Variants in ABCA13 observed in about 807,000 individuals in gnomAD.
The protein encoded by ABCA13 is ATP-binding cassette sub-family A member 13.
In ABCA13, 476 loss-of-function variants were observed where a neutral mutation model predicts 478.7. The ratio of observed to expected loss-of-function variants is 0.99; its 90% confidence interval spans 0.92 to 1.07. The LOEUF is 1.07. Ranked by LOEUF, ABCA13 falls within the 50% of genes least tolerant of loss-of-function variation. ABCA13 has a pLI of 0.00. For missense variants in ABCA13, 6,060 were observed against 5,910.6 expected, an observed-to-expected ratio of 1.03 and a Z score of -0.83; for synonymous variants, 2,252 against 2,158.9, an observed-to-expected ratio of 1.04 and a Z score of -1.20.
chr7:48,318,690 T>A (rs572893960), intron 27 of ABCA13, among the ~76,000 whole-genome samples: 7 of 152,086 alleles, frequency 4.6e-5, no homozygotes, highest in Admixed American at 3.9e-4. Context: ...ACAGCTGCCA[T>A]CCCAGGACTG....
At chr7:48,636,178 A>G (rs1266715431) in intron 59 of ABCA13, among the ~76,000 whole-genome samples, 1 of 152,168 alleles carries the variant, frequency 6.6e-6, no homozygotes. Context: ...TATTGTGTAC[A>G]GAGGCATATT....
chr7:48,644,652 A>G lies in ABCA13; in HGVS notation c.14979A>G (p.Pro4993=), dbSNP rs781615880. Residue 4993 remains proline (P), a synonymous_variant, in exon 61 of 62, where the codon CCA becomes CCG. Transcript: ENST00000435803. ...TGAATTTATTAGAATATCATGTGCC[A>G]AAAAGATGGGGATGCCTAGCTGACT... ...QHLNLLEYHV[P]KRWGCLADLF... 4.3e-6 allele frequency: 7 copies of G among 1,610,962 alleles called. No individual in the cohort carries two copies. Among genetic ancestry groups the G allele is most frequent in the Non-Finnish European group, 5.9e-6 (7 of 1,179,258 alleles).
At chr7:48,405,070 A>G (rs757498045) in intron 39 of ABCA13, among the ~76,000 whole-genome samples, 9 of 152,342 alleles carry the variant, frequency 5.9e-5, no homozygotes, top group Admixed American at 3.3e-4. Flanking sequence ...GGTCCCAGTG[A>G]GGCACTGAGG....
At position 48,394,790 on chromosome 7, in the gene ABCA13, G is replaced by A. The variant is rs139959199; in HGVS notation, c.11873+2651G>A. 4.6e-5 allele frequency among the ~76,000 whole-genome samples: 7 copies of A among 152,174 alleles called. No individual in the cohort carries two copies. In the East Asian group the frequency reaches 7.7e-4, roughly 17 times the overall value. On this transcript the variant is annotated intron_variant, in intron 38 of 61. Transcript: ENST00000435803. ...TTTGTGAGATTTTGGTGCACCCATCGCTTGAGCAGTATATACTGCACCATA... is the reference window on the plus strand; with the variant it reads ...TTTGTGAGATTTTGGTGCACCCATCACTTGAGCAGTATATACTGCACCATA...
rs530520499 is a variant in ABCA13, at chr7:48,578,725, A to G, written c.14355-1499A>G. ...ATTTTCAAGTTTATGTGGAAAGACA[A>G]AAGATCCATGATAGGCAACACAGTA... On this transcript the variant is annotated intron_variant, in intron 55 of 61. Transcript: ENST00000435803. Among the ~76,000 whole-genome samples the G allele has an allele frequency of 3.9e-4, 59 of 152,298 alleles. 1 individual carries two copies. Among genetic ancestry groups the G allele is most frequent in the Non-Finnish European group, 6.8e-4 (46 of 68,012 alleles).
intron 7 of ABCA13, among the ~76,000 whole-genome samples, chr7:48,233,633 A>G (rs1187444699): frequency 1.3e-5 from 2 of 152,226 alleles, no homozygotes; most frequent in Non-Finnish European, 2.9e-5. Flanking sequence ...CTGGTTTTCA[A>G]TATTTTATCA....
Position 48,279,084 on chromosome 7 carries a change from C to G in ABCA13, c.7890C>G (p.Asp2630Glu), listed in dbSNP as rs1484029708. The change falls in exon 18 of 62, where the codon GAC (aspartate) becomes GAG (glutamate). Residue 2630 changes from aspartate (D) to glutamate (E), a missense_variant. Transcript: ENST00000435803. ...SILSYMNQSK[D>E]FSDILEEIAE... is the part of the protein sequence containing the mutation. ...TCTCATATATGAACCAATCTAAGGA[C>G]TTTTCTGATATTTTGGAAGAAATTG... 6.2e-7 allele frequency: 1 copy of G among 1,612,474 alleles called. No homozygotes were observed. The highest frequency in any genetic ancestry group is 8.5e-7 in the Non-Finnish European group (1 of 1,179,684).
chr7:48,307,518 C>T (rs982710890), intron 23 of ABCA13, among the ~76,000 whole-genome samples: 1 of 152,124 alleles, frequency 6.6e-6, no homozygotes, highest in Non-Finnish European at 1.5e-5. Context: ...CTGGGTGAGT[C>T]AGTGAGTGAG....
intron 42 of ABCA13, among the ~76,000 whole-genome samples, chr7:48,454,151 T>C (rs1006035823): frequency 4.6e-5 from 7 of 152,218 alleles, no homozygotes; most frequent in Non-Finnish European, 7.3e-5. Context: ...TGGAGTACTT[T>C]AGAGTCAATC....
At chr7:48,209,357 T>TATCAG in intron 3 of ABCA13, among the ~76,000 whole-genome samples, 1 of 152,242 alleles carries the variant, frequency 6.6e-6, no homozygotes, top group East Asian at 1.9e-4. Flanking sequence ...CTGGTTTTGG[T>TATCAG]ATCAGGGTAA....
chr7:48,183,056 A>G (rs2128874385), intron 1 of ABCA13, among the ~76,000 whole-genome samples: 1 of 152,282 alleles, frequency 6.6e-6, no homozygotes, highest in South Asian at 2.1e-4. Flanking sequence ...TTTGTTTCCA[A>G]AGACAAGGGC....
At chr7:48,396,581 C>T (rs1481922012) in intron 38 of ABCA13, among the ~76,000 whole-genome samples, 4 of 152,174 alleles carry the variant, frequency 2.6e-5, no homozygotes, top group African/African-American at 9.7e-5. Flanking sequence ...TGGGCATGGT[C>T]TCTGCAAAGA....
intron 15 of ABCA13, among the ~76,000 whole-genome samples, chr7:48,255,180 GCTGTGC>G (rs2128707983): frequency 6.6e-6 from 1 of 152,220 alleles, no homozygotes; most frequent in South Asian, 2.1e-4. Context: ...AGTGAGAAAG[GCTGTGC>G]CTGTGACTCA....
At chr7:48,399,783 T>G (rs1477243966) in intron 38 of ABCA13, among the ~76,000 whole-genome samples, 1 of 152,016 alleles carries the variant, frequency 6.6e-6, no homozygotes. Flanking sequence ...TGACCTGAGA[T>G]TCAAGGCTGG....
intron 58 of ABCA13, among the ~76,000 whole-genome samples, chr7:48,605,521 A>C (rs1259846322): frequency 6.6e-6 from 1 of 152,212 alleles, no homozygotes; most frequent in East Asian, 1.9e-4. Context: ...CTGTACATTA[A>C]GAATGCTGAA....
intron 59 of ABCA13, among the ~76,000 whole-genome samples, chr7:48,636,722 G>A (rs1794669315): frequency 6.6e-6 from 1 of 152,106 alleles, no homozygotes; most frequent in African/African-American, 2.4e-5. Flanking sequence ...AGAAGTAATT[G>A]TGAATCCCTG....
intron 6 of ABCA13, 122 bp from the exon 7 acceptor site, chr7:48,229,703 C>A: frequency 2.6e-6 from 3 of 1,152,058 alleles, no homozygotes; most frequent in Non-Finnish European, 3.8e-6. Context: ...TGTAAATGGT[C>A]CAGCCACATC....
rs959766598 is a variant in ABCA13, at chr7:48,545,860, G to A, written c.14354+17515G>A. Among the ~76,000 whole-genome samples the A allele has an allele frequency of 2.6e-5, 4 of 151,788 alleles. No homozygotes were observed. The East Asian group carries it at 7.7e-4, about 29-fold the overall frequency. On this transcript the variant is annotated intron_variant, in intron 55 of 61. Transcript: ENST00000435803. ...ATAAAAAATATGAAAATGAAATTAT[G>A]TGAAATATGGAGGATAGAAAGAGGT...
intron 51 of ABCA13, among the ~76,000 whole-genome samples, chr7:48,513,346 G>A (rs7792728): frequency 0.17 from 26,105 of 152,072 alleles, 2,568 homozygotes; most frequent in African/African-American, 0.25. Context: ...ATGCCTAATC[G>A]CAGTCTTATT....
Sources: allele counts gnomAD v4.1 joint callset (sites outside exome capture counted in the v4.1 genomes callset), GRCh38; gene constraint gnomAD v4.1.1; transcripts MANE v1.5; gene names NCBI Gene and HGNC (gene_info 2026-07-23, HGNC 2026-07-21).